Variants in NUP188 observed in about 807,000 individuals in gnomAD.
NUP188 encodes nucleoporin NUP188.
Under a neutral mutation model 223.0 loss-of-function variants are expected in NUP188, and 97 were observed. That is an observed-to-expected ratio of 0.43 (90% CI 0.37 to 0.51). NUP188 has a LOEUF of 0.51. NUP188 is among the 20% of genes least tolerant of loss of function. The pLI is 0.00. For synonymous variants in NUP188, 869 were observed against 828.0 expected (o/e 1.05, Z -0.85); for missense variants, 1,947 against 2,175.6 (o/e 0.89, Z 2.09).
chr9:128,952,530 C>G (rs1202010297), intron 2 of NUP188, among the ~76,000 whole-genome samples: 1 of 152,106 alleles, frequency 6.6e-6, no homozygotes, highest in Non-Finnish European at 1.5e-5. Flanking sequence ...CGAGATCAGC[C>G]TAGCCAACAT....
intron 8 of NUP188, among the ~76,000 whole-genome samples, chr9:128,964,863 C>T (rs746019254): frequency 8.6e-5 from 13 of 151,952 alleles, no homozygotes; most frequent in Non-Finnish European, 1.6e-4. Flanking sequence ...TGTGCCACCA[C>T]GCCTTCCTAA....
In NUP188 at chr9:128,968,521, T is replaced by A; in HGVS notation, c.601T>A (p.Ser201Thr). The A allele has an allele frequency of 6.2e-7, 1 of 1,614,092 alleles. No individual in the cohort carries two copies. Among genetic ancestry groups the A allele is most frequent in the Non-Finnish European group, 8.5e-7 (1 of 1,179,960 alleles). Residue 201 changes from serine to threonine, a missense_variant, in exon 9 of 44, where the codon TCT (serine) becomes ACT (threonine). By Grantham distance (58) the Ser-to-Thr change is moderately conservative. Coordinates refer to ENST00000372577, the MANE Select transcript of NUP188 (RefSeq NM_015354.3). ...GGTTGTACAGACAGAGCGCCAAGTG[T>A]CTCGCTGGTTTGTTCAGTGCCTTCG... ...HGNLMTERQVSRWFVQCLREQ... is the reference protein window; with the variant it reads ...HGNLMTERQVTRWFVQCLREQ...
At chr9:129,002,714 G>A in intron 36 of NUP188, 103 bp from the exon 37 acceptor site, 1 of 1,252,782 alleles carries the variant, frequency 8.0e-7, no homozygotes, top group Non-Finnish European at 1.1e-6. Flanking sequence ...TATTCTGGGA[G>A]ATCTTTTCCT....
intron 6 of NUP188, 74 bp downstream of exon 6, chr9:128,958,128 A>G: frequency 8.2e-7 from 1 of 1,220,228 alleles, no homozygotes; most frequent in African/African-American, 1.5e-5. Context: ...TTTCCTGAGC[A>G]TTGCTGGCTT....
At chr9:128,979,580 C>T (rs1420155353) in intron 13 of NUP188, among the ~76,000 whole-genome samples, 2 of 151,958 alleles carry the variant, frequency 1.3e-5, no homozygotes, top group African/African-American at 4.8e-5. Flanking sequence ...GTCTGCAGCC[C>T]ACGTTATTAC....
At chr9:128,997,761 G>A (rs536452269) in intron 30 of NUP188, among the ~76,000 whole-genome samples, 5 of 151,096 alleles carry the variant, frequency 3.3e-5, no homozygotes, top group Admixed American at 6.6e-5. Context: ...TCTCTCTGTC[G>A]CCAGGCTGGA....
intron 2 of NUP188, among the ~76,000 whole-genome samples, chr9:128,951,146 T>A (rs1222654915): frequency 2.0e-5 from 3 of 151,830 alleles, no homozygotes; most frequent in Non-Finnish European, 4.4e-5. Context: ...CCGTCTCTAC[T>A]AAAAATACAA....
chr9:128,951,533 C>T (rs1042557915), intron 2 of NUP188, among the ~76,000 whole-genome samples: 3 of 152,062 alleles, frequency 2.0e-5, no homozygotes, highest in Non-Finnish European at 4.4e-5. Context: ...TAAATAATTA[C>T]AGTCAGCTTA....
At chr9:128,980,805 C>T in intron 14 of NUP188, 80 bp downstream of exon 14, 1 of 1,463,876 alleles carries the variant, frequency 6.8e-7, no homozygotes, top group South Asian at 1.2e-5. Flanking sequence ...TTGCTTTCCA[C>T]ATTGCAGTTC....
intron 11 of NUP188, 50 bp from the exon 12 acceptor site, chr9:128,973,110 G>C: frequency 8.5e-7 from 1 of 1,176,364 alleles, no homozygotes; most frequent in Non-Finnish European, 1.3e-6. Context: ...CCGAACCTGG[G>C]GAAGAGTTGT....
chr9:128,969,623 G>C, intron 10 of NUP188, 109 bp downstream of exon 10: 1 of 605,260 alleles, frequency 1.7e-6, no homozygotes, highest in Non-Finnish European at 2.9e-6. Context: ...ACATTGTTCA[G>C]TGATGCAGAG....
chr9:129,002,784 G>A (rs200995839), intron 36 of NUP188, 33 bp from the exon 37 acceptor site: 2 of 1,604,716 alleles, frequency 1.2e-6, no homozygotes, highest in East Asian at 2.2e-5. Context: ...CTCTCAGCAG[G>A]GTTCCTGAGC....
chr9:128,988,026 G>C (rs376618623), intron 23 of NUP188, 21 bp from the exon 24 acceptor site: 173 of 1,612,908 alleles, frequency 1.1e-4, no homozygotes, highest in Non-Finnish European at 1.4e-4. Context: ...AATCATCTTT[G>C]GTTTCCATTT....
At chr9:128,958,146 TTTGTTGG>T in intron 6 of NUP188, 92 bp downstream of exon 6, 1 of 990,176 alleles carries the variant, frequency 1.0e-6, no homozygotes, top group Non-Finnish European at 1.6e-6. Flanking sequence ...CTTTTGACTC[TTTGTTGG>T]GTAAGCATGG....
Position 129,005,293 on chromosome 9 carries a change from C to G in NUP188, c.4510-10C>G. On this transcript the variant is annotated splice_polypyrimidine_tract_variant and intron_variant, in intron 39 of 43. Coordinates refer to ENST00000372577, the MANE Select transcript of NUP188 (RefSeq NM_015354.3). ...CCCAAGCTCCACCTTCATTTCTTGA[C>G]TCTCCTTAGAACAAAAATGGGGATG... The G allele has an allele frequency of 6.2e-7, 1 of 1,613,628 alleles. No individual in the cohort carries two copies. The highest frequency in any genetic ancestry group is 8.5e-7 in the Non-Finnish European group (1 of 1,179,524).
At chr9:128,990,996 C>T (rs750053665) in intron 25 of NUP188, among the ~76,000 whole-genome samples, 13 of 152,002 alleles carry the variant, frequency 8.6e-5, no homozygotes, top group Middle Eastern at 3.4e-3. Context: ...CCAGCCTGGG[C>T]GACAGAGCGA....
chr9:128,955,338 T>A (rs999791772), intron 3 of NUP188, among the ~76,000 whole-genome samples: 52 of 152,254 alleles, frequency 3.4e-4, no homozygotes, highest in Non-Finnish European at 7.4e-4. Flanking sequence ...TCCAGCTAAT[T>A]TTTTTCACTT....
intron 30 of NUP188, among the ~76,000 whole-genome samples, chr9:128,997,057 T>TA (rs1842539290): frequency 6.6e-6 from 1 of 152,124 alleles, no homozygotes; most frequent in African/African-American, 2.4e-5. Context: ...AGGAAATAAT[T>TA]AAAGTGCTGT....
intron 8 of NUP188, among the ~76,000 whole-genome samples, chr9:128,965,985 T>TG (rs984474324): frequency 1.1e-4 from 16 of 150,642 alleles, no homozygotes; most frequent in South Asian, 4.2e-4. Context: ...TTAGTAGAGA[T>TG]GGGGTCTCAC....
Sources: gnomAD v4.1 joint callset for allele counts (sites outside exome capture counted in the v4.1 genomes callset) on GRCh38, gnomAD v4.1.1 for gene constraint, MANE v1.5 for transcripts, NCBI Gene and HGNC (gene_info 2026-07-23, HGNC 2026-07-21) for gene names.